FOXO1: variants seen among roughly 807,000 people sequenced by gnomAD.
FOXO1 encodes forkhead box protein O1.
A neutral mutation model predicts 44.1 loss-of-function variants in FOXO1; 6 were observed. That is an observed-to-expected ratio of 0.14 (90% confidence interval 0.07 to 0.27). The LOEUF is 0.27. FOXO1 is among the 10% of genes least tolerant of loss of function. FOXO1 has a pLI of 1.00. For missense variants in FOXO1, 737 were observed against 888.8 expected (o/e 0.83, Z 2.17); for synonymous variants, 380 against 362.7 (o/e 1.05, Z -0.54).
chr13:40,567,979 A>T (rs76413492), intron 1 of FOXO1, among the ~76,000 whole-genome samples: 1 of 151,790 alleles, frequency 6.6e-6, no homozygotes, highest in South Asian at 2.1e-4. Context: ...AAAAAAAAAA[A>T]TTTACACAAT....
chr13:40,632,546 G>A (rs1877000590), intron 1 of FOXO1, among the ~76,000 whole-genome samples: 1 of 152,002 alleles, frequency 6.6e-6, no homozygotes. Context: ...GCTGAGGCAC[G>A]AATATCTCTT....
chr13:40,626,664 T>G (rs1425718048), intron 1 of FOXO1, among the ~76,000 whole-genome samples: 1 of 152,176 alleles, frequency 6.6e-6, no homozygotes, highest in Non-Finnish European at 1.5e-5. Flanking sequence ...AACCCGTCCT[T>G]AAAGTGAACG....
intron 1 of FOXO1, among the ~76,000 whole-genome samples, chr13:40,601,217 G>A (rs1290666441): frequency 1.3e-5 from 2 of 152,252 alleles, no homozygotes; most frequent in South Asian, 2.1e-4. Flanking sequence ...GATGAGGCAC[G>A]TATCTCTTCT....
At chr13:40,572,056 T>C (rs757589704) in intron 1 of FOXO1, among the ~76,000 whole-genome samples, 13 of 152,218 alleles carry the variant, frequency 8.5e-5, no homozygotes, top group Non-Finnish European at 1.8e-4. Flanking sequence ...AGCCTGTTAA[T>C]CCTGTTCATG....
chr13:40,604,112 A>G (rs1242827623), intron 1 of FOXO1, among the ~76,000 whole-genome samples: 1 of 152,050 alleles, frequency 6.6e-6, no homozygotes, highest in Non-Finnish European at 1.5e-5. Context: ...AAAACTACAG[A>G]GTGGCTTTTT....
chr13:40,623,911 C>T (rs1458867044), intron 1 of FOXO1, among the ~76,000 whole-genome samples: 1 of 142,818 alleles, frequency 7.0e-6, no homozygotes, highest in East Asian at 2.1e-4. Context: ...CAAAGTGAGA[C>T]ACCATCTCTT....
Position 40,626,858 on chromosome 13 carries a change from T to C in FOXO1, c.630+38725A>G, listed in dbSNP as rs188955214. On this transcript the variant is annotated intron_variant, in intron 1 of 2. Coordinates refer to ENST00000379561, the MANE Select transcript of FOXO1 (RefSeq NM_002015.4). ...GAACAAGTACCCAAGGGTGACTTTA[T>C]TGGCAACTGCCCTACATGCACTGAA... Among the ~76,000 whole-genome samples, 80 of 152,334 alleles carry C rather than the reference T, an allele frequency of 5.3e-4. 1 individual carries two copies. Among genetic ancestry groups the C allele is most frequent in the African/African-American group, 1.7e-3 (69 of 41,570 alleles).
intron 1 of FOXO1, among the ~76,000 whole-genome samples, chr13:40,586,046 A>G (rs1875152177): frequency 6.6e-6 from 1 of 152,140 alleles, no homozygotes; most frequent in Admixed American, 6.5e-5. Flanking sequence ...TGTTTCCCCT[A>G]ACTTCAAGGC....
At chr13:40,606,444 G>T (rs1274599679) in intron 1 of FOXO1, among the ~76,000 whole-genome samples, 1 of 151,986 alleles carries the variant, frequency 6.6e-6, no homozygotes, top group Non-Finnish European at 1.5e-5. Context: ...TGAGTAGCTG[G>T]GATTACAGGC....
intron 1 of FOXO1, among the ~76,000 whole-genome samples, chr13:40,628,823 C>A (rs1383435544): frequency 6.6e-6 from 1 of 152,222 alleles, no homozygotes; most frequent in South Asian, 2.1e-4. Context: ...CAGGTTGTCC[C>A]CCAGGCACCT....
At chr13:40,647,220 T>G (rs1294088787) in intron 1 of FOXO1, among the ~76,000 whole-genome samples, 3 of 152,186 alleles carry the variant, frequency 2.0e-5, no homozygotes, top group Non-Finnish European at 4.4e-5. Flanking sequence ...TCATCCTCCT[T>G]TAACTTGTGT....
chr13:40,633,824 A>G (rs1198164742), intron 1 of FOXO1, among the ~76,000 whole-genome samples: 1 of 152,242 alleles, frequency 6.6e-6, no homozygotes, highest in Non-Finnish European at 1.5e-5. Flanking sequence ...TAAAAGATAC[A>G]TAGTCACAGT....
chr13:40,566,378 C>CT lies in FOXO1; in HGVS notation c.631-5519_631-5518insA, dbSNP rs766465379. 1.1e-3 allele frequency among the ~76,000 whole-genome samples: 162 copies of CT among 146,190 alleles called. 4 individuals carry two copies. In the East Asian group the frequency reaches 0.02, roughly 18 times the overall value. ...AATCTTTACAACTTTCATTGACTTTCATTTTTTTTTTTTTTTTAAAGACAG... is the reference window on the plus strand; with the variant it reads ...AATCTTTACAACTTTCATTGACTTTCTATTTTTTTTTTTTTTTTAAAGACAG... On this transcript the variant is annotated intron_variant, in intron 1 of 2. Transcript: ENST00000379561.
chr13:40,660,140 G>C (rs1877989955), intron 1 of FOXO1, among the ~76,000 whole-genome samples: 1 of 152,156 alleles, frequency 6.6e-6, no homozygotes, highest in Admixed American at 6.5e-5. Context: ...ACCAAGAAAA[G>C]GTGCTTGGTT....
At position 40,558,011 on chromosome 13, in the gene FOXO1, A is replaced by C. The variant is rs180977442; in HGVS notation, c.*1038T>G. The C allele has an allele frequency of 1.2e-4, 19 of 152,798 alleles. No homozygotes were observed. The highest frequency in any genetic ancestry group is 4.6e-4 in the African/African-American group (19 of 41,606). The allele number at this position is 152,798 out of a possible 1,614,324, so 9.5% of individuals were successfully genotyped here. A position where few individuals can be genotyped will look rare whatever the true frequency, so the allele number is the denominator to read the frequency against. On this transcript the variant is annotated 3_prime_UTR_variant, in exon 3 of 3. Coordinates refer to ENST00000379561, the MANE Select transcript of FOXO1 (RefSeq NM_002015.4). ...TAACTATACATCACTTTCCTGCCCA[A>C]CCAGGGCCTGAAACGTTGAATATGC...
intron 1 of FOXO1, among the ~76,000 whole-genome samples, chr13:40,584,469 CAAAAAAAAAAAAAAAAAAAA>C (rs55733141): frequency 3.2e-5 from 2 of 63,130 alleles, no homozygotes; most frequent in Non-Finnish European, 2.6e-5. Context: ...ACAAAAAATG[CAAAAAAAAAAAAAAAAAAAA>C]AAAAAAAAAA....
chr13:40,639,102 GA>G (rs1877264459), intron 1 of FOXO1, among the ~76,000 whole-genome samples: 1 of 152,144 alleles, frequency 6.6e-6, no homozygotes, highest in South Asian at 2.1e-4. Flanking sequence ...GCTGAGGCAG[GA>G]GAATCGCTTG....
At chr13:40,642,313 T>C (rs562561903) in intron 1 of FOXO1, among the ~76,000 whole-genome samples, 6 of 152,294 alleles carry the variant, frequency 3.9e-5, no homozygotes, top group African/African-American at 9.6e-5. Flanking sequence ...AATCTAGACA[T>C]ACAGTCAGCG....
At chr13:40,567,979 A>AT (rs397964233) in intron 1 of FOXO1, among the ~76,000 whole-genome samples, 3 of 151,674 alleles carry the variant, frequency 2.0e-5, no homozygotes, top group African/African-American at 7.3e-5. Context: ...AAAAAAAAAA[A>AT]TTTACACAAT....
Sources: gnomAD v4.1 joint callset for allele counts (sites outside exome capture counted in the v4.1 genomes callset) on GRCh38, gnomAD v4.1.1 for gene constraint, MANE v1.5 for transcripts, NCBI Gene and HGNC (gene_info 2026-07-23, HGNC 2026-07-21) for gene names.